The following CSMD1 variants were observed in gnomAD, a reference collection of about 807,000 sequenced individuals.
CSMD1 encodes CUB and sushi domain-containing protein 1.
Under a neutral mutation model 417.5 loss-of-function variants are expected in CSMD1, and 213 were observed. That is an observed-to-expected ratio of 0.51 (90% CI 0.46 to 0.57). The LOEUF (loss-of-function observed/expected upper bound fraction) is 0.57. CSMD1 is among the 20% of genes least tolerant of loss of function. The probability of loss-of-function intolerance (pLI) is 0.00; values close to 1 mark genes in which losing one functional copy is unlikely to be tolerated. For missense variants in CSMD1, 6,923 were observed against 4,529.7 expected, an observed-to-expected ratio of 1.53 and a Z score of -15.17; for synonymous variants, 2,862 against 1,736.8, an observed-to-expected ratio of 1.65 and a Z score of -16.11.
intron 3 of CSMD1, among the ~76,000 whole-genome samples, chr8:4,126,440 C>G (rs1802770603): frequency 6.6e-6 from 1 of 152,150 alleles, no homozygotes; most frequent in African/African-American, 2.4e-5. Context: ...AGACACAAAC[C>G]AACATAGTAA....
At chr8:4,692,983 T>A (rs1806871103) in intron 1 of CSMD1, among the ~76,000 whole-genome samples, 1 of 152,120 alleles carries the variant, frequency 6.6e-6, no homozygotes, top group African/African-American at 2.4e-5. Flanking sequence ...TCTGCCATGG[T>A]TCCTGGAACA....
chr8:3,940,552 G>C (rs373519566), intron 5 of CSMD1, among the ~76,000 whole-genome samples: 27 of 140,716 alleles, frequency 1.9e-4, no homozygotes, highest in African/African-American at 6.8e-4. Context: ...TGTGTACATA[G>C]GTTTCTTTGT....
chr8:3,575,881 A>G (rs1382753859), intron 9 of CSMD1, among the ~76,000 whole-genome samples: 1 of 152,070 alleles, frequency 6.6e-6, no homozygotes, highest in Admixed American at 6.5e-5. Context: ...TATTTTAGAA[A>G]TATAATGTCA....
At chr8:4,339,878 A>T (rs1014264685) in intron 3 of CSMD1, among the ~76,000 whole-genome samples, 1 of 152,050 alleles carries the variant, frequency 6.6e-6, no homozygotes, top group Admixed American at 6.6e-5. Flanking sequence ...TAAAAAAATT[A>T]TTCTGGCATG....
intron 1 of CSMD1, among the ~76,000 whole-genome samples, chr8:4,685,445 C>A (rs966578434): frequency 6.6e-6 from 1 of 152,036 alleles, no homozygotes; most frequent in African/African-American, 2.4e-5. Context: ...TGTGGTGGCA[C>A]GTGCCTGTAA....
At chr8:4,231,687 A>C (rs574085160) in intron 3 of CSMD1, among the ~76,000 whole-genome samples, 39 of 152,230 alleles carry the variant, frequency 2.6e-4, no homozygotes, top group Non-Finnish European at 5.0e-4. Context: ...TGGGCTTATG[A>C]CTACAGTTAA....
At chr8:3,850,956 T>C (rs1310916468) in intron 5 of CSMD1, among the ~76,000 whole-genome samples, 1 of 152,200 alleles carries the variant, frequency 6.6e-6, no homozygotes, top group Non-Finnish European at 1.5e-5. Context: ...AACTTGTTGT[T>C]ATATAAAATA....
intron 5 of CSMD1, among the ~76,000 whole-genome samples, chr8:3,911,648 A>C (rs542072051): frequency 1.3e-5 from 2 of 151,952 alleles, no homozygotes; most frequent in South Asian, 4.2e-4. Flanking sequence ...GGCTTTCATA[A>C]TCACCTCTTT....
intron 5 of CSMD1, among the ~76,000 whole-genome samples, chr8:3,839,444 A>AT (rs1335389081): frequency 8.1e-6 from 1 of 124,156 alleles, no homozygotes; most frequent in Non-Finnish European, 1.6e-5. Context: ...AATATTATAT[A>AT]TTATAATATA....
In CSMD1 at chr8:3,414,723, G is replaced by A. The variant is rs570673615; in HGVS notation, c.1562-5118C>T. ...GGACATATCTCGTTAGTTCTTTCCC[G>A]GTGTTTCACAATCCAGACTTGCTAC... On this transcript the variant is annotated intron_variant, in intron 12 of 69. Transcript: ENST00000635120. 1.2e-4 allele frequency among the ~76,000 whole-genome samples: 19 copies of A among 152,148 alleles called. No individual in the cohort carries two copies. The South Asian group carries it at 3.1e-3, about 25-fold the overall frequency.
chr8:4,457,848 G>C (rs780076216), intron 2 of CSMD1, among the ~76,000 whole-genome samples: 1 of 151,984 alleles, frequency 6.6e-6, no homozygotes, highest in Non-Finnish European at 1.5e-5. Flanking sequence ...AGTGACTTCC[G>C]AGGCTTGGCA....
At chr8:3,707,260 A>G (rs146261571) in intron 7 of CSMD1, among the ~76,000 whole-genome samples, 158 of 152,260 alleles carry the variant, frequency 1.0e-3, no homozygotes, top group Middle Eastern at 3.4e-3. Flanking sequence ...TATTTGTTGC[A>G]TATAAAACCT....
intron 11 of CSMD1, among the ~76,000 whole-genome samples, chr8:3,476,144 A>G (rs889741226): frequency 2.0e-5 from 3 of 152,206 alleles, no homozygotes; most frequent in Admixed American, 6.5e-5. Context: ...GGAGTTCAAG[A>G]CTAGCCTGCG....
Position 4,947,075 on chromosome 8 carries a change from G to A in CSMD1, c.85+47257C>T, listed in dbSNP as rs983592761. Among the ~76,000 whole-genome samples the A allele has an allele frequency of 2.6e-5, 4 of 152,000 alleles. No individual in the cohort carries two copies. In the East Asian group the frequency reaches 5.8e-4, roughly 22 times the overall value. ...TGCAAATGCTACAGAATTTGTAATA[G>A]GATAATCCATTTGTAGTTACATAGT... On this transcript the variant is annotated intron_variant, in intron 1 of 69. Transcript: ENST00000635120.
At chr8:4,603,169 C>G (rs1438923582) in intron 2 of CSMD1, among the ~76,000 whole-genome samples, 1 of 151,852 alleles carries the variant, frequency 6.6e-6, no homozygotes, top group Admixed American at 6.6e-5. Flanking sequence ...AAGAAAATAT[C>G]AGTTCTAATT....
chr8:4,154,701 G>A (rs564699179), intron 3 of CSMD1, among the ~76,000 whole-genome samples: 4 of 152,232 alleles, frequency 2.6e-5, no homozygotes, highest in Admixed American at 6.5e-5. Context: ...AAACGTACAA[G>A]GAAAAAGAGA....
intron 5 of CSMD1, among the ~76,000 whole-genome samples, chr8:3,948,416 A>G (rs1811379878): frequency 2.6e-5 from 4 of 152,176 alleles, no homozygotes; most frequent in Admixed American, 2.6e-4. Flanking sequence ...CAAGAAAAAT[A>G]GGGGAAAGAC....
At chr8:4,450,076 G>A (rs535754066) in intron 2 of CSMD1, among the ~76,000 whole-genome samples, 9 of 152,144 alleles carry the variant, frequency 5.9e-5, no homozygotes, top group South Asian at 4.2e-4. Flanking sequence ...GGACTTCCTC[G>A]TCCTGTCTCA....
At chr8:2,997,705 C>T (rs1417910694) in intron 54 of CSMD1, among the ~76,000 whole-genome samples, 1 of 152,016 alleles carries the variant, frequency 6.6e-6, no homozygotes, top group East Asian at 1.9e-4. Flanking sequence ...TAATGGCCCC[C>T]AAATGCTAAC....
Sources: gnomAD v4.1 joint callset for allele counts (sites outside exome capture counted in the v4.1 genomes callset) on GRCh38, gnomAD v4.1.1 for gene constraint, MANE v1.5 for transcripts, NCBI Gene and HGNC (gene_info 2026-07-23, HGNC 2026-07-21) for gene names.